Variants in PRR16 observed in about 807,000 individuals in gnomAD.
PRR16 encodes protein Largen.
A neutral mutation model predicts 18.2 loss-of-function variants in PRR16; 6 were observed. The ratio of observed to expected loss-of-function variants is 0.33; its 90% confidence interval spans 0.18 to 0.65. The LOEUF (loss-of-function observed/expected upper bound fraction) is 0.65, where lower values mean the gene tolerates loss of function less well. Among genes scored for constraint, PRR16 ranks in the 30% least tolerant of loss-of-function variants. The pLI is 0.74. For synonymous variants in PRR16, 151 were observed against 147.8 expected, an observed-to-expected ratio of 1.02 and a Z score of -0.16; for missense variants, 412 against 376.6, an observed-to-expected ratio of 1.09 and a Z score of -0.78.
chr5:120,669,306 C>A (rs974614217), intron 1 of PRR16, among the ~76,000 whole-genome samples: 7 of 152,032 alleles, frequency 4.6e-5, no homozygotes, highest in Non-Finnish European at 5.9e-5. Context: ...GGCCCTCACA[C>A]CCTCCCCTCT....
chr5:120,737,003 C>A, the PRR16 span, among the ~76,000 whole-genome samples: 3 of 152,208 alleles, frequency 2.0e-5, no homozygotes, highest in African/African-American at 7.2e-5. Context: ...TGAGAGAGAT[C>A]TTTAGAGTGT....
intron 1 of PRR16, among the ~76,000 whole-genome samples, chr5:120,516,484 GACACACACACACAC>G (rs149936115): frequency 2.2e-5 from 3 of 136,456 alleles, no homozygotes; most frequent in South Asian, 4.7e-4. Context: ...AGGAGGGAAG[GACACACACACACAC>G]ACACACACAC....
chr5:120,622,453 A>G (rs1754720387), intron 1 of PRR16, among the ~76,000 whole-genome samples: 1 of 151,796 alleles, frequency 6.6e-6, no homozygotes, highest in African/African-American at 2.4e-5. Flanking sequence ...TTGGCATTCC[A>G]TATGTTATTT....
chr5:120,754,646 T>C, the PRR16 span, among the ~76,000 whole-genome samples: 1 of 130,790 alleles, frequency 7.6e-6, no homozygotes, highest in African/African-American at 2.9e-5. Flanking sequence ...ATAAAGTATT[T>C]ATATATTATA....
chr5:120,497,986 C>T (rs925968749), intron 1 of PRR16, among the ~76,000 whole-genome samples: 20 of 151,470 alleles, frequency 1.3e-4, no homozygotes, highest in Non-Finnish European at 2.2e-4. Flanking sequence ...TACTAACTCT[C>T]TCTTTTAATT....
intron 1 of PRR16, among the ~76,000 whole-genome samples, chr5:120,640,455 A>C (rs1755385084): frequency 6.6e-6 from 1 of 152,146 alleles, no homozygotes; most frequent in South Asian, 2.1e-4. Flanking sequence ...TAAATTTTTC[A>C]TGAAGGTGGT....
intron 1 of PRR16, among the ~76,000 whole-genome samples, chr5:120,522,095 A>C (rs980178496): frequency 6.6e-6 from 1 of 152,132 alleles, no homozygotes. Flanking sequence ...GGTTGGTTCC[A>C]AGTCTTTGCT....
the PRR16 span, among the ~76,000 whole-genome samples, chr5:120,754,911 G>A: frequency 1.7e-4 from 25 of 151,444 alleles, no homozygotes; most frequent in East Asian, 4.5e-3. Context: ...ACTTGATAAT[G>A]CTATAGAAAA....
chr5:120,695,111 C>A, the PRR16 span, among the ~76,000 whole-genome samples: 2 of 152,208 alleles, frequency 1.3e-5, no homozygotes, highest in African/African-American at 4.8e-5. Context: ...AAAATATCAT[C>A]TGGCACTATT....
chr5:120,655,279 G>T (rs1580838892), intron 1 of PRR16, among the ~76,000 whole-genome samples: 1 of 150,678 alleles, frequency 6.6e-6, no homozygotes, highest in Non-Finnish European at 1.5e-5. Flanking sequence ...TAGACATTAA[G>T]TCTATAAAAT....
the PRR16 span, among the ~76,000 whole-genome samples, chr5:120,740,197 C>T: frequency 1.3e-5 from 2 of 152,066 alleles, no homozygotes; most frequent in African/African-American, 4.8e-5. Context: ...AGAAATGGTG[C>T]CCTGGTTCAT....
At chr5:120,787,562 G>T in the PRR16 span, among the ~76,000 whole-genome samples, 18 of 151,976 alleles carry the variant, frequency 1.2e-4, no homozygotes, top group Non-Finnish European at 2.4e-4. Flanking sequence ...CTAAAAATTT[G>T]GTGGAACAAG....
At chr5:120,547,100 A>T (rs1339755339) in intron 1 of PRR16, among the ~76,000 whole-genome samples, 2 of 151,912 alleles carry the variant, frequency 1.3e-5, no homozygotes, top group Non-Finnish European at 2.9e-5. Context: ...GGGAAGTGGG[A>T]GTGTCTTCAT....
chr5:120,769,443 A>G, the PRR16 span, among the ~76,000 whole-genome samples: 1 of 151,850 alleles, frequency 6.6e-6, no homozygotes, highest in Non-Finnish European at 1.5e-5. Flanking sequence ...TATATTGTAC[A>G]TCAGATCTCT....
chr5:120,541,731 G>A (rs1043041713), intron 1 of PRR16, among the ~76,000 whole-genome samples: 8 of 152,058 alleles, frequency 5.3e-5, no homozygotes, highest in African/African-American at 1.7e-4. Context: ...TCTTTGGAAA[G>A]AATTGTGGCT....
At chr5:120,702,938 G>A in the PRR16 span, among the ~76,000 whole-genome samples, 145 of 152,312 alleles carry the variant, frequency 9.5e-4, 1 homozygote, top group African/African-American at 3.2e-3. Context: ...GAGGTCCCCC[G>A]ATCCGAGTCA....
chr5:120,655,923 A>C (rs1338026788), intron 1 of PRR16, among the ~76,000 whole-genome samples: 1 of 151,840 alleles, frequency 6.6e-6, no homozygotes, highest in African/African-American at 2.4e-5. Flanking sequence ...CAGCCACCAG[A>C]AGATCCCTTG....
chr5:120,758,982 T>C, the PRR16 span, among the ~76,000 whole-genome samples: 4 of 144,704 alleles, frequency 2.8e-5, no homozygotes, highest in Admixed American at 2.8e-4. Context: ...TTCTTTTTTT[T>C]TTTTTTTTTT....
chr5:120,577,833 A>G (rs1164275633), intron 1 of PRR16, among the ~76,000 whole-genome samples: 4 of 152,170 alleles, frequency 2.6e-5, no homozygotes, highest in African/African-American at 4.8e-5. Context: ...CTGGGGATGG[A>G]GATGCTACTA....
Sources: gnomAD v4.1 joint callset for allele counts (sites outside exome capture counted in the v4.1 genomes callset) on GRCh38, gnomAD v4.1.1 for gene constraint, MANE v1.5 for transcripts, NCBI Gene and HGNC (gene_info 2026-07-23, HGNC 2026-07-21) for gene names.